Variants in PLXNA4 observed in about 807,000 individuals in gnomAD.
The protein encoded by PLXNA4 is plexin A4, also known as plexin-A4.
In PLXNA4, 44 loss-of-function variants were observed where a neutral mutation model predicts 191.8. That is an observed-to-expected ratio of 0.23 (90% CI 0.18 to 0.29). The LOEUF is 0.29. Among genes scored for constraint, PLXNA4 ranks in the 10% least tolerant of loss-of-function variants. The probability of loss-of-function intolerance (pLI) is 1.00; values close to 1 mark genes in which losing one functional copy is unlikely to be tolerated. For missense variants in PLXNA4, 1,800 were observed against 2,488.8 expected, an observed-to-expected ratio of 0.72 and a Z score of 5.89; for synonymous variants, 1,082 against 1,009.5, an observed-to-expected ratio of 1.07 and a Z score of -1.36.
chr7:132,353,477 C>T (rs1420821488), intron 3 of PLXNA4, among the ~76,000 whole-genome samples: 1 of 151,646 alleles, frequency 6.6e-6, no homozygotes, highest in East Asian at 1.9e-4. Context: ...GGAAAAGTTG[C>T]TTGGAAAGCT....
chr7:132,347,278 G>A (rs1803280583), intron 3 of PLXNA4, among the ~76,000 whole-genome samples: 1 of 152,176 alleles, frequency 6.6e-6, no homozygotes, highest in Non-Finnish European at 1.5e-5. Context: ...TTGCTGGGAA[G>A]AGCTCAAGGG....
At chr7:132,420,171 C>T (rs1336020774) in intron 3 of PLXNA4, among the ~76,000 whole-genome samples, 3 of 152,236 alleles carry the variant, frequency 2.0e-5, no homozygotes, top group Admixed American at 2.0e-4. Flanking sequence ...CACATTGCTC[C>T]TGTGCCTCTG....
intron 4 of PLXNA4, among the ~76,000 whole-genome samples, chr7:132,276,358 G>A (rs1271513554): frequency 1.3e-5 from 2 of 152,074 alleles, no homozygotes; most frequent in Admixed American, 6.6e-5. Flanking sequence ...CCATTGAGAT[G>A]GAAAATAAAG....
At chr7:132,435,712 G>A (rs1270286747) in intron 3 of PLXNA4, among the ~76,000 whole-genome samples, 1 of 152,158 alleles carries the variant, frequency 6.6e-6, no homozygotes, top group Non-Finnish European at 1.5e-5. Context: ...CCCATGAGAC[G>A]CATGACAGGC....
At chr7:132,326,936 A>C in intron 3 of PLXNA4, among the ~76,000 whole-genome samples, 1 of 150,466 alleles carries the variant, frequency 6.6e-6, no homozygotes, top group East Asian at 2.0e-4. Context: ...GAGGGAGGGA[A>C]GAAAGGGAGA....
At chr7:132,290,820 G>GT (rs1800857998) in intron 4 of PLXNA4, among the ~76,000 whole-genome samples, 1 of 152,172 alleles carries the variant, frequency 6.6e-6, no homozygotes, top group Non-Finnish European at 1.5e-5. Context: ...AAGCAGAAGT[G>GT]TACCCGGAAC....
chr7:132,619,608 A>C (rs974058452), intron 2 of PLXNA4, among the ~76,000 whole-genome samples: 2 of 152,244 alleles, frequency 1.3e-5, no homozygotes, highest in Non-Finnish European at 2.9e-5. Context: ...CCATGAACAA[A>C]GTGGCAATGA....
At chr7:132,614,811 C>T (rs563605795) in intron 2 of PLXNA4, among the ~76,000 whole-genome samples, 5 of 152,306 alleles carry the variant, frequency 3.3e-5, no homozygotes, top group African/African-American at 1.2e-4. Context: ...CCTCCCACCG[C>T]GGAACTGAGC....
Position 132,159,606 on chromosome 7 carries a change from A to C in PLXNA4, c.4527T>G (p.Asn1509Lys). 6.2e-7 allele frequency: 1 copy of C among 1,614,066 alleles called. No homozygotes were observed. The change falls in exon 25 of 32, where the codon AAT becomes AAG. Residue 1509 changes from asparagine (N) to lysine (K), a missense_variant. Around this residue, in one of 6 missense-constraint regions of PLXNA4, gnomAD observed 214 missense variants for 298.2 expected, o/e 0.72. Transcript: ENST00000321063. ...TLVLSCVSPD[N>K]ANSPEVPVKI... Reference sequence around the variant, plus strand: ...TTACTGGGACCTCGGGGCTGTTGGCATTGTCTGGGCTGACACAGCTCAGGA... The same window carrying C: ...TTACTGGGACCTCGGGGCTGTTGGCCTTGTCTGGGCTGACACAGCTCAGGA...
chr7:132,148,329 C>A (rs1357865553), intron 26 of PLXNA4, among the ~76,000 whole-genome samples: 1 of 152,190 alleles, frequency 6.6e-6, no homozygotes, highest in Admixed American at 6.5e-5. Flanking sequence ...TCTGCCCATG[C>A]CCTGCAGAAA....
chr7:132,429,683 G>A (rs1010990107), intron 3 of PLXNA4, among the ~76,000 whole-genome samples: 24 of 152,282 alleles, frequency 1.6e-4, no homozygotes, highest in African/African-American at 5.8e-4. Context: ...CCATGGGTTG[G>A]AGTTTGCCGA....
At chr7:132,283,729 T>C (rs1800575358) in intron 4 of PLXNA4, among the ~76,000 whole-genome samples, 2 of 152,226 alleles carry the variant, frequency 1.3e-5, no homozygotes, top group Non-Finnish European at 2.9e-5. Context: ...AATGCACCAA[T>C]CACTCTAGGT....
chr7:132,440,185 C>G (rs1208525689), intron 3 of PLXNA4, among the ~76,000 whole-genome samples: 4 of 152,254 alleles, frequency 2.6e-5, no homozygotes, highest in African/African-American at 9.6e-5. Context: ...AAAAAGGGAG[C>G]CTTGGTTTAC....
At chr7:132,377,422 G>GAA (rs10596289) in intron 3 of PLXNA4, among the ~76,000 whole-genome samples, 13 of 86,536 alleles carry the variant, frequency 1.5e-4, no homozygotes, top group Admixed American at 5.4e-4. Flanking sequence ...AAATGAAAAA[G>GAA]AAAAAAAAAA....
chr7:132,294,125 A>G (rs1800990494), intron 4 of PLXNA4, among the ~76,000 whole-genome samples: 1 of 152,238 alleles, frequency 6.6e-6, no homozygotes, highest in South Asian at 2.1e-4. Context: ...AGTGCTATGG[A>G]TAAAAATAGA....
chr7:132,241,297 C>T, intron 4 of PLXNA4, 131 bp from the exon 5 acceptor site: 1 of 620,108 alleles, frequency 1.6e-6, no homozygotes, highest in Non-Finnish European at 2.8e-6. Flanking sequence ...TGCTTGGAGC[C>T]CAGTGTGGGA....
chr7:132,280,257 G>A (rs529739741), intron 4 of PLXNA4, among the ~76,000 whole-genome samples: 1 of 152,296 alleles, frequency 6.6e-6, no homozygotes, highest in African/African-American at 2.4e-5. Flanking sequence ...GAAAAAGAAT[G>A]AGACAAGAGA....
intron 3 of PLXNA4, among the ~76,000 whole-genome samples, chr7:132,463,752 C>A (rs570863279): frequency 6.6e-6 from 1 of 152,310 alleles, no homozygotes; most frequent in South Asian, 2.1e-4. Context: ...ATCCACATGC[C>A]CCTGATTCTT....
chr7:132,342,763 A>G (rs552507469), intron 3 of PLXNA4, among the ~76,000 whole-genome samples: 6 of 152,150 alleles, frequency 3.9e-5, no homozygotes, highest in African/African-American at 1.2e-4. Flanking sequence ...CCTGGCCAAC[A>G]TGGCGAAATC....
Sources: gnomAD v4.1 joint callset for allele counts (sites outside exome capture counted in the v4.1 genomes callset) on GRCh38, gnomAD v4.1.1 for gene constraint, gnomAD v4.1.1 regional missense constraint, MANE v1.5 for transcripts, NCBI Gene and HGNC (gene_info 2026-07-23, HGNC 2026-07-21) for gene names.